Variants in IMPG1 observed in about 807,000 individuals in gnomAD.
IMPG1 encodes interphotoreceptor matrix proteoglycan of 150 kDa.
Under a neutral mutation model 92.0 loss-of-function variants are expected in IMPG1, and 85 were observed. The ratio of observed to expected loss-of-function variants is 0.92; its 90% confidence interval spans 0.78 to 1.11. The LOEUF (loss-of-function observed/expected upper bound fraction) is 1.11. Among genes scored for constraint, IMPG1 ranks in the 50% least tolerant of loss-of-function variants. The pLI is 0.00. For missense variants in IMPG1, 1,022 were observed against 956.0 expected, an observed-to-expected ratio of 1.07 and a Z score of -0.91; for synonymous variants, 367 against 334.1, an observed-to-expected ratio of 1.10 and a Z score of -1.08.
Position 76,022,148 on chromosome 6 carries a change from T to C in IMPG1, c.634A>G (p.Asn212Asp). 6.3e-7 allele frequency: 1 copy of C among 1,595,746 alleles called. No homozygotes were observed. Among genetic ancestry groups the C allele is most frequent in the Non-Finnish European group, 8.6e-7 (1 of 1,166,894 alleles). Residue 212 changes from asparagine to aspartate, a missense_variant, in exon 6 of 17, where the codon AAT becomes GAT. Around this residue, in one of 3 missense-constraint regions of IMPG1, gnomAD observed 681 missense variants for 583.6 expected, o/e 1.17. Transcript: ENST00000369950. ...DDTLLNEILDNTLNDTKMPTT... is the reference protein window; with the variant it reads ...DDTLLNEILDDTLNDTKMPTT... Reference sequence around the variant, plus strand: ...GGCATCTTGGTGTCGTTGAGTGTATTATCGAGAATTTCATTGAGGAGGGTG... The same window carrying C: ...GGCATCTTGGTGTCGTTGAGTGTATCATCGAGAATTTCATTGAGGAGGGTG...
At chr6:76,019,819 T>C (rs1404781648) in intron 6 of IMPG1, among the ~76,000 whole-genome samples, 1 of 152,166 alleles carries the variant, frequency 6.6e-6, no homozygotes, top group Non-Finnish European at 1.5e-5. Flanking sequence ...CATGGAACAT[T>C]TAAATGACTG....
intron 14 of IMPG1, among the ~76,000 whole-genome samples, chr6:75,943,969 T>C (rs1781878418): frequency 6.6e-6 from 1 of 152,240 alleles, no homozygotes; most frequent in Non-Finnish European, 1.5e-5. Flanking sequence ...AAGATGTCCC[T>C]TTTCTACTAC....
In IMPG1 at chr6:75,951,036, G is replaced by C. The variant is rs1273759484; in HGVS notation, c.1350C>G (p.Phe450Leu). Residue 450 changes from phenylalanine to leucine, a missense_variant, in exon 13 of 17, where the codon TTC (phenylalanine) becomes TTG (leucine). Around this residue, in one of 3 missense-constraint regions of IMPG1, gnomAD observed 681 missense variants for 583.6 expected, o/e 1.17. Transcript: ENST00000369950. ...ASTSLSEAPP[F>L]FMASSIFSLT... is the part of the protein sequence containing the mutation. ...GAGAGAAGATGCTTGATGCCATAAAGAAAGGTGGAGCTTCTGACAGGGAGG... is the reference window on the plus strand; with the variant it reads ...GAGAGAAGATGCTTGATGCCATAAACAAAGGTGGAGCTTCTGACAGGGAGG... The C allele has an allele frequency of 1.9e-6, 3 of 1,613,822 alleles. No homozygotes were observed. The highest frequency in any genetic ancestry group is 2.5e-6 in the Non-Finnish European group (3 of 1,179,814).
intron 12 of IMPG1, among the ~76,000 whole-genome samples, chr6:75,987,147 C>T (rs539187376): frequency 6.6e-6 from 1 of 152,152 alleles, no homozygotes; most frequent in African/African-American, 2.4e-5. Flanking sequence ...CTAAATTCCT[C>T]TTTGCCTAAG....
intron 1 of IMPG1, among the ~76,000 whole-genome samples, chr6:76,071,247 TC>T (rs1340694546): frequency 1.3e-5 from 2 of 149,532 alleles, no homozygotes; most frequent in Non-Finnish European, 3.0e-5. Context: ...ATAGAAAAAA[TC>T]GTTAAATTAA....
intron 12 of IMPG1, among the ~76,000 whole-genome samples, chr6:75,957,948 A>T (rs2314087): frequency 0.099 from 15,046 of 152,180 alleles, 1,050 homozygotes; most frequent in East Asian, 0.34. Flanking sequence ...TCCTGTCATT[A>T]TGATGTTAGC....
intron 12 of IMPG1, among the ~76,000 whole-genome samples, chr6:75,974,379 CT>C (rs1299698465): frequency 1.6e-4 from 14 of 87,462 alleles, no homozygotes; most frequent in African/African-American, 6.6e-4. Context: ...TTCTTTCTTT[CT>C]TTCTTTCTTT....
intron 12 of IMPG1, among the ~76,000 whole-genome samples, chr6:75,981,858 G>A (rs1782633297): frequency 1.3e-5 from 2 of 152,158 alleles, no homozygotes; most frequent in African/African-American, 4.8e-5. Flanking sequence ...CTTTTTGGGG[G>A]ACACTTTAGT....
In IMPG1 at chr6:76,056,414, A is replaced by G. The variant is rs528334420; in HGVS notation, c.68-14288T>C. Among the ~76,000 whole-genome samples the G allele has an allele frequency of 3.3e-5, 5 of 152,300 alleles. No individual in the cohort carries two copies. In the South Asian group the frequency reaches 1.0e-3, roughly 32 times the overall value. On this transcript the variant is annotated intron_variant, in intron 1 of 16. Transcript: ENST00000369950. Reference sequence around the variant, plus strand: ...AAAAGCTAAAATAAGCATTATACTTAATGATGGAAATGTGAAAATAGTCGA... The same window carrying G: ...AAAAGCTAAAATAAGCATTATACTTGATGATGGAAATGTGAAAATAGTCGA...
chr6:76,069,572 T>C (rs1420181721), intron 1 of IMPG1, among the ~76,000 whole-genome samples: 1 of 152,050 alleles, frequency 6.6e-6, no homozygotes, highest in Admixed American at 6.6e-5. Context: ...AGAAGACTTC[T>C]CAAATAACTA....
intron 12 of IMPG1, among the ~76,000 whole-genome samples, chr6:75,959,902 C>A (rs868591360): frequency 7.2e-5 from 11 of 152,168 alleles, no homozygotes; most frequent in African/African-American, 2.4e-4. Flanking sequence ...TTCCAGGCAA[C>A]ACTTTGGTAT....
intron 2 of IMPG1, among the ~76,000 whole-genome samples, chr6:76,038,149 C>T (rs901235789): frequency 6.6e-6 from 1 of 152,054 alleles, no homozygotes; most frequent in Admixed American, 6.5e-5. Flanking sequence ...CATATGGCTG[C>T]GGGGACTGAG....
intron 12 of IMPG1, among the ~76,000 whole-genome samples, chr6:75,974,982 A>C (rs1782510960): frequency 6.6e-6 from 1 of 152,278 alleles, no homozygotes; most frequent in Admixed American, 6.5e-5. Flanking sequence ...TTTTAGAAGA[A>C]GAATGATTTT....
intron 1 of IMPG1, among the ~76,000 whole-genome samples, chr6:76,068,271 T>A (rs1582142298): frequency 6.6e-6 from 1 of 152,260 alleles, no homozygotes; most frequent in South Asian, 2.1e-4. Flanking sequence ...GATGATATGA[T>A]CTTATACGTA....
intron 1 of IMPG1, among the ~76,000 whole-genome samples, chr6:76,051,241 A>G (rs1385303819): frequency 3.3e-5 from 5 of 152,238 alleles, no homozygotes; most frequent in Non-Finnish European, 5.9e-5. Context: ...CTACATTAGT[A>G]GATTCTCAAT....
At chr6:75,963,012 G>T (rs1735111568) in intron 12 of IMPG1, among the ~76,000 whole-genome samples, 1 of 150,676 alleles carries the variant, frequency 6.6e-6, no homozygotes, top group Non-Finnish European at 1.5e-5. Context: ...CTGTACTCCA[G>T]CCTAGCCTAC....
Position 75,971,146 on chromosome 6 carries a change from T to C in IMPG1, c.1292-20052A>G, listed in dbSNP as rs562416340. Among the ~76,000 whole-genome samples, 32 of 152,152 alleles carry C rather than the reference T, an allele frequency of 2.1e-4. 1 individual carries two copies. The South Asian group carries it at 4.2e-3, about 20-fold the overall frequency. ...TGGAATACTATGCAGCCATAAAAAATGATGAGTTCATATCCTTGGTAGGGA... is the reference window on the plus strand; with the variant it reads ...TGGAATACTATGCAGCCATAAAAAACGATGAGTTCATATCCTTGGTAGGGA... On this transcript the variant is annotated intron_variant, in intron 12 of 16. Transcript: ENST00000369950.
intron 13 of IMPG1, among the ~76,000 whole-genome samples, chr6:75,950,071 A>G (rs1781998285): frequency 6.6e-6 from 1 of 152,144 alleles, no homozygotes; most frequent in Admixed American, 6.5e-5. Context: ...TTTGTTAGGG[A>G]CCAGGAATGA....
At chr6:76,028,270 G>A (rs1232695351) in intron 4 of IMPG1, among the ~76,000 whole-genome samples, 1 of 152,176 alleles carries the variant, frequency 6.6e-6, no homozygotes, top group Non-Finnish European at 1.5e-5. Flanking sequence ...CTTTTCAAAA[G>A]ATAGTTTATA....
Sources: gnomAD v4.1 joint callset for allele counts (sites outside exome capture counted in the v4.1 genomes callset) on GRCh38, gnomAD v4.1.1 for gene constraint, gnomAD v4.1.1 regional missense constraint, MANE v1.5 for transcripts, NCBI Gene and HGNC (gene_info 2026-07-23, HGNC 2026-07-21) for gene names.